Variants in SLC2A13 observed in about 807,000 individuals in gnomAD.
SLC2A13 encodes the protein proton myo-inositol cotransporter.
SLC2A13 carries 32 observed loss-of-function variants against 64.4 expected under a neutral mutation model. The ratio of observed to expected loss-of-function variants is 0.50; its 90% confidence interval spans 0.37 to 0.67. The LOEUF is 0.67. Among genes scored for constraint, SLC2A13 ranks in the 30% least tolerant of loss-of-function variants. The pLI is 0.00. For synonymous variants in SLC2A13, 338 were observed against 327.1 expected (o/e 1.03, Z -0.36); for missense variants, 743 against 829.2 (o/e 0.90, Z 1.28).
At chr12:40,023,049 A>T (rs2136209794) in intron 3 of SLC2A13, among the ~76,000 whole-genome samples, 1 of 152,194 alleles carries the variant, frequency 6.6e-6, no homozygotes, top group East Asian at 1.9e-4. Flanking sequence ...TCCTTTACTC[A>T]ATCTGTCATT....
intron 1 of SLC2A13, among the ~76,000 whole-genome samples, chr12:40,103,914 G>A (rs1939220446): frequency 6.6e-6 from 1 of 152,132 alleles, no homozygotes; most frequent in African/African-American, 2.4e-5. Flanking sequence ...GGAGAGCTTT[G>A]CCCTACCTTT....
chr12:39,910,457 A>G (rs1161364727), intron 4 of SLC2A13, among the ~76,000 whole-genome samples: 1 of 152,064 alleles, frequency 6.6e-6, no homozygotes, highest in Non-Finnish European at 1.5e-5. Flanking sequence ...TGATAAGTCT[A>G]AGGAATTTTT....
chr12:40,056,229 T>C (rs1948331438), intron 1 of SLC2A13, among the ~76,000 whole-genome samples: 1 of 151,704 alleles, frequency 6.6e-6, no homozygotes, highest in Non-Finnish European at 1.5e-5. Flanking sequence ...TGGAAATAAG[T>C]TCTGCTTTTT....
chr12:39,871,494 AAC>A (rs953948602), intron 5 of SLC2A13, among the ~76,000 whole-genome samples: 28 of 149,990 alleles, frequency 1.9e-4, no homozygotes, highest in African/African-American at 5.3e-4. Flanking sequence ...AGAAAAAAAA[AAC>A]AATTATTTTT....
intron 5 of SLC2A13, among the ~76,000 whole-genome samples, chr12:39,865,978 T>C (rs1314805588): frequency 6.6e-6 from 1 of 152,162 alleles, no homozygotes; most frequent in Non-Finnish European, 1.5e-5. Context: ...ACCTCTGAGA[T>C]ATGTGTTAAC....
chr12:40,059,704 G>A (rs1310055442), intron 1 of SLC2A13, among the ~76,000 whole-genome samples: 1 of 152,078 alleles, frequency 6.6e-6, no homozygotes, highest in African/African-American at 2.4e-5. Flanking sequence ...TCATTGAAAA[G>A]GCATGATTGA....
chr12:40,008,600 G>GACT (rs1434922939), intron 3 of SLC2A13, among the ~76,000 whole-genome samples: 1 of 147,034 alleles, frequency 6.8e-6, no homozygotes, highest in East Asian at 2.0e-4. Flanking sequence ...GACAGAGCGA[G>GACT]ACTGCGTCAC....
chr12:39,978,011 C>A (rs1029069865), intron 3 of SLC2A13, among the ~76,000 whole-genome samples: 6 of 152,192 alleles, frequency 3.9e-5, no homozygotes, highest in Admixed American at 2.0e-4. Flanking sequence ...GTCTCCCCCA[C>A]CACACTGTAA....
At chr12:40,096,784 T>C (rs1481825209) in intron 1 of SLC2A13, among the ~76,000 whole-genome samples, 4 of 152,136 alleles carry the variant, frequency 2.6e-5, no homozygotes, top group Non-Finnish European at 5.9e-5. Flanking sequence ...TTCTTCTGTC[T>C]ATAACTACTG....
intron 1 of SLC2A13, among the ~76,000 whole-genome samples, chr12:40,101,757 T>G (rs151210454): frequency 6.6e-6 from 1 of 152,162 alleles, no homozygotes; most frequent in Non-Finnish European, 1.5e-5. Context: ...TTTCTGTGCC[T>G]TTACACCAGC....
At chr12:40,055,152 C>G (rs1010284886) in intron 1 of SLC2A13, among the ~76,000 whole-genome samples, 2 of 152,092 alleles carry the variant, frequency 1.3e-5, no homozygotes, top group African/African-American at 2.4e-5. Context: ...TCAGTTTCTA[C>G]TTTTTTCTAA....
At chr12:39,764,990 A>C (rs1288639102) in intron 7 of SLC2A13, 132 bp from the exon 8 acceptor site, 6 of 1,056,092 alleles carry the variant, frequency 5.7e-6, no homozygotes, top group Non-Finnish European at 7.9e-6. Flanking sequence ...CTTAAAAAAT[A>C]AGAACTAAAT....
intron 4 of SLC2A13, among the ~76,000 whole-genome samples, chr12:39,903,782 AT>A (rs1258761340): frequency 2.0e-5 from 3 of 152,114 alleles, no homozygotes. Context: ...AGTTATGAGA[AT>A]CAAATAATTC....
At chr12:40,032,347 T>G (rs1355813573) in intron 2 of SLC2A13, among the ~76,000 whole-genome samples, 2 of 152,254 alleles carry the variant, frequency 1.3e-5, no homozygotes, top group Non-Finnish European at 2.9e-5. Context: ...TCATGAGTTT[T>G]TAAATCTTTA....
chr12:39,758,216 A>C lies in SLC2A13; in HGVS notation c.*1810T>G, dbSNP rs1173856766. On this transcript the variant is annotated 3_prime_UTR_variant, in exon 10 of 10. Transcript: ENST00000280871. ...ATTATATGAAATGACCAAAGGGAGA[A>C]AACGTTTTTGTTTTTGGTTAATGGA... 1.3e-5 allele frequency: 2 copies of C among 151,682 alleles called. No homozygotes were observed. Among genetic ancestry groups the C allele is most frequent in the Non-Finnish European group, 3.0e-5 (2 of 67,718 alleles). The allele number at this position is 151,682 out of a possible 1,614,324, so 9.4% of individuals were successfully genotyped here. A position where few individuals can be genotyped will look rare whatever the true frequency, so the allele number is the denominator to read the frequency against.
At chr12:39,928,939 A>G (rs1174147982) in intron 4 of SLC2A13, among the ~76,000 whole-genome samples, 2 of 152,212 alleles carry the variant, frequency 1.3e-5, no homozygotes, top group African/African-American at 4.8e-5. Flanking sequence ...GTAACAATCA[A>G]CAAGATGCCT....
chr12:40,054,184 T>G (rs1382433551), intron 1 of SLC2A13, among the ~76,000 whole-genome samples: 1 of 152,166 alleles, frequency 6.6e-6, no homozygotes, highest in African/African-American at 2.4e-5. Flanking sequence ...AAGGCTCACA[T>G]TTTTGCTCTG....
intron 7 of SLC2A13, among the ~76,000 whole-genome samples, chr12:39,822,307 C>A (rs1942544133): frequency 6.6e-6 from 1 of 152,136 alleles, no homozygotes; most frequent in African/African-American, 2.4e-5. Flanking sequence ...CTATGTGACA[C>A]AATATCCTAT....
At chr12:39,976,847 T>G (rs977117348) in intron 3 of SLC2A13, among the ~76,000 whole-genome samples, 1 of 152,178 alleles carries the variant, frequency 6.6e-6, no homozygotes, top group African/African-American at 2.4e-5. Flanking sequence ...ACTTAACATC[T>G]CTTGGCACTT....
Sources: allele counts gnomAD v4.1 joint callset (sites outside exome capture counted in the v4.1 genomes callset), GRCh38; gene constraint gnomAD v4.1.1; transcripts MANE v1.5; gene names NCBI Gene and HGNC (gene_info 2026-07-23, HGNC 2026-07-21).